The following GSE1 variants were observed in gnomAD, a reference collection of about 807,000 sequenced individuals.
GSE1 encodes Gse1 coiled-coil protein.
A neutral mutation model predicts 112.6 loss-of-function variants in GSE1; 32 were observed. The ratio of observed to expected loss-of-function variants is 0.28; its 90% confidence interval spans 0.21 to 0.38. The LOEUF (loss-of-function observed/expected upper bound fraction) is 0.38. Among genes scored for constraint, GSE1 ranks in the 10% least tolerant of loss-of-function variants. GSE1 has a pLI of 1.00. For synonymous variants in GSE1, 1,115 were observed against 735.6 expected (o/e 1.52, Z -8.35); for missense variants, 2,348 against 1,699.2 (o/e 1.38, Z -6.71).
intron 2 of GSE1, among the ~76,000 whole-genome samples, chr16:85,384,150 T>C (rs1330438904): frequency 2.0e-5 from 3 of 152,068 alleles, no homozygotes; most frequent in Non-Finnish European, 2.9e-5. Flanking sequence ...GGGCACAGAC[T>C]CAAAGGAGGG....
At chr16:85,229,336 T>C (rs1157854143) in intron 1 of GSE1, among the ~76,000 whole-genome samples, 1 of 152,208 alleles carries the variant, frequency 6.6e-6, no homozygotes, top group Non-Finnish European at 1.5e-5. Flanking sequence ...GCTCCACCTG[T>C]GCCGTGTCAA....
At chr16:85,243,010 G>A (rs747602080) in intron 1 of GSE1, among the ~76,000 whole-genome samples, 10 of 152,010 alleles carry the variant, frequency 6.6e-5, no homozygotes, top group Admixed American at 1.3e-4. Flanking sequence ...ATGGGGTCTC[G>A]CTGTGTTGCC....
intron 2 of GSE1, among the ~76,000 whole-genome samples, chr16:85,645,892 C>T (rs960984990): frequency 6.6e-6 from 1 of 150,626 alleles, no homozygotes; most frequent in Non-Finnish European, 1.5e-5. Flanking sequence ...ATGCATTCTA[C>T]CATGCTTCTA....
At chr16:85,663,126 G>A (rs911724080) in intron 10 of GSE1, 33 bp downstream of exon 10, 1 of 1,456,348 alleles carries the variant, frequency 6.9e-7, no homozygotes, top group Non-Finnish European at 9.6e-7. Context: ...GACATGCTCT[G>A]GGCTGGGCTC....
At chr16:85,506,961 C>T (rs774738686) in intron 2 of GSE1, among the ~76,000 whole-genome samples, 14 of 152,284 alleles carry the variant, frequency 9.2e-5, no homozygotes, top group East Asian at 1.9e-4. Flanking sequence ...GTTGCATGCA[C>T]GCCACCCCGC....
chr16:85,628,687 C>T lies in GSE1; in HGVS notation c.8-5227C>T, dbSNP rs2049280710. 2.0e-5 allele frequency among the ~76,000 whole-genome samples: 3 copies of T among 152,230 alleles called. No homozygotes were observed. In the South Asian group the frequency reaches 6.2e-4, roughly 31 times the overall value. On this transcript the variant is annotated intron_variant, in intron 1 of 15. Transcript: ENST00000253458. ...TGACTTCGTGCCGTCGAGCCGCCAT[C>T]CCTTTGAATGTCCGCCTTTTAAAAG...
intron 1 of GSE1, among the ~76,000 whole-genome samples, chr16:85,222,663 A>T (rs1475763682): frequency 6.6e-6 from 1 of 152,198 alleles, no homozygotes; most frequent in Non-Finnish European, 1.5e-5. Context: ...AACACAAATG[A>T]AGTCCAGGAA....
At chr16:85,666,420 C>T (rs1230216864) in intron 13 of GSE1, 73 bp downstream of exon 13, 1 of 1,490,718 alleles carries the variant, frequency 6.7e-7, no homozygotes, top group African/African-American at 1.4e-5. Context: ...AGCGCCACAG[C>T]TGCTCAGCCG....
chr16:85,523,816 G>A (rs745312632), intron 2 of GSE1, among the ~76,000 whole-genome samples: 17 of 152,378 alleles, frequency 1.1e-4, no homozygotes, highest in South Asian at 4.1e-4. Flanking sequence ...CAGGCGCAGC[G>A]GTCTGGTTCA....
At chr16:85,637,718 C>A (rs931191736) in intron 2 of GSE1, among the ~76,000 whole-genome samples, 1 of 150,984 alleles carries the variant, frequency 6.6e-6, no homozygotes, top group Non-Finnish European at 1.5e-5. Context: ...TCCATAGACC[C>A]CTGCCCCGCA....
rs747312503 is a variant in GSE1 at position 85,665,011 on chromosome 16, A to C, written c.2645-4A>C. ...TCGTTAATCTCAGGCTGCTTTTCTC[A>C]TAGACAAAGAGAGACTTGTTGAAAT... is the stretch of plus-strand genomic sequence containing the variant. On this transcript the variant is annotated splice_region_variant and splice_polypyrimidine_tract_variant and intron_variant, in intron 11 of 15. Coordinates refer to ENST00000253458, the MANE Select transcript of GSE1 (RefSeq NM_014615.5). The C allele has an allele frequency of 1.3e-6, 2 of 1,578,336 alleles. No homozygotes were observed. The highest frequency in any genetic ancestry group is 4.5e-5 in the East Asian group (2 of 44,704).
intron 2 of GSE1, among the ~76,000 whole-genome samples, chr16:85,487,155 A>T (rs1433497391): frequency 1.3e-5 from 2 of 152,222 alleles, no homozygotes; most frequent in South Asian, 4.1e-4. Flanking sequence ...AAACGGGAGC[A>T]GAAGAGATTG....
At chr16:85,323,083 C>T (rs2046148124) in intron 1 of GSE1, among the ~76,000 whole-genome samples, 4 of 152,032 alleles carry the variant, frequency 2.6e-5, no homozygotes, top group East Asian at 1.9e-4. Context: ...CAGAACAGGG[C>T]GTCATTGTTT....
chr16:85,195,460 A>G (rs891864355), intron 1 of GSE1, among the ~76,000 whole-genome samples: 3 of 152,208 alleles, frequency 2.0e-5, no homozygotes, highest in African/African-American at 7.2e-5. Flanking sequence ...CCTGAGGCCC[A>G]GAGAGGTTAA....
intron 2 of GSE1, among the ~76,000 whole-genome samples, chr16:85,496,080 C>G (rs186028858): frequency 6.6e-6 from 1 of 152,190 alleles, no homozygotes; most frequent in Admixed American, 6.5e-5. Flanking sequence ...AGAATCCATC[C>G]GAGCACTCTG....
At chr16:85,471,368 C>A (rs1387923142) in intron 2 of GSE1, among the ~76,000 whole-genome samples, 2 of 152,144 alleles carry the variant, frequency 1.3e-5, no homozygotes, top group African/African-American at 2.4e-5. Context: ...TGCATGGTAC[C>A]ATAGGTCAGG....
At chr16:85,197,169 A>C (rs1035531895) in intron 1 of GSE1, among the ~76,000 whole-genome samples, 10 of 152,116 alleles carry the variant, frequency 6.6e-5, no homozygotes, top group Non-Finnish European at 1.2e-4. Flanking sequence ...CTGGCGGGGA[A>C]GCCAGACACA....
intron 2 of GSE1, among the ~76,000 whole-genome samples, chr16:85,357,946 T>TA (rs1408175935): frequency 2.6e-5 from 4 of 151,968 alleles, no homozygotes; most frequent in East Asian, 1.9e-4. Context: ...ATTCATTCAT[T>TA]AAAAAAAATG....
intron 1 of GSE1, among the ~76,000 whole-genome samples, chr16:85,324,123 A>G (rs542044648): frequency 1.8e-4 from 28 of 152,370 alleles, no homozygotes; most frequent in African/African-American, 6.5e-4. Context: ...CACGTGGTGC[A>G]GCTGCCATGG....
Sources: gnomAD v4.1 joint callset for allele counts (sites outside exome capture counted in the v4.1 genomes callset) on GRCh38, gnomAD v4.1.1 for gene constraint, MANE v1.5 for transcripts, NCBI Gene and HGNC (gene_info 2026-07-23, HGNC 2026-07-21) for gene names.